ACLY: variants seen among roughly 807,000 people sequenced by gnomAD.
ACLY encodes the protein ATP-citrate synthase.
Under a neutral mutation model 133.0 loss-of-function variants are expected in ACLY, and 41 were observed. The observed-to-expected ratio is 0.31, with a 90% confidence interval of 0.24 to 0.40. ACLY has a LOEUF of 0.40. ACLY is among the 10% of genes least tolerant of loss of function. ACLY has a pLI of 1.00. For synonymous variants in ACLY, 495 were observed against 549.3 expected (o/e 0.90, Z 1.38); for missense variants, 1,046 against 1,453.8 (o/e 0.72, Z 4.56).
intron 1 of ACLY, among the ~76,000 whole-genome samples, chr17:41,928,909 G>C (rs1402043790): frequency 6.7e-6 from 1 of 149,146 alleles, no homozygotes; most frequent in Non-Finnish European, 1.5e-5. Flanking sequence ...TGAATCTGTA[G>C]ATCTCTTCCT....
chr17:41,894,625 A>G (rs1220807710), intron 14 of ACLY, among the ~76,000 whole-genome samples: 1 of 151,912 alleles, frequency 6.6e-6, no homozygotes, highest in Admixed American at 6.6e-5. Flanking sequence ...GTACCAAAAT[A>G]TCTCATGCAC....
At chr17:41,878,004 C>G in intron 22 of ACLY, 99 bp downstream of exon 22, 1 of 680,074 alleles carries the variant, frequency 1.5e-6, no homozygotes, top group Non-Finnish European at 2.2e-6. Flanking sequence ...TACAGAAGGC[C>G]TGGTTTCCAA....
At chr17:41,912,130 A>C (rs979051652) in intron 3 of ACLY, among the ~76,000 whole-genome samples, 1 of 151,528 alleles carries the variant, frequency 6.6e-6, no homozygotes, top group East Asian at 1.9e-4. Context: ...AAAAAAAAAG[A>C]ATCAGACCAT....
At chr17:41,922,444 G>A (rs531908306), upstream of ACLY, among the ~76,000 whole-genome samples, 2 of 150,282 alleles carry the variant, frequency 1.3e-5, no homozygotes, top group East Asian at 3.9e-4. Context: ...GTGACAGAGT[G>A]AGACCCTGTA....
intron 10 of ACLY, among the ~76,000 whole-genome samples, chr17:41,903,360 C>T (rs1250483649): frequency 6.6e-6 from 1 of 152,136 alleles, no homozygotes; most frequent in East Asian, 1.9e-4. Flanking sequence ...TGAACAGGCA[C>T]CCAGGTTGAG....
In ACLY at chr17:41,909,641, G is replaced by A. The variant is rs782742473; in HGVS notation, c.405C>T (p.His135=). Residue 135 remains histidine (H), a synonymous_variant, in exon 5 of 29, where the codon CAC becomes CAT. Transcript: ENST00000352035. ...ATREGDYVLF[H]HEGGVDVGDV... ...CACCCACGTCCACACCCCCCTCGTG[G>A]TGGAACAGGACGTAGTCCCCTTCTC... The A allele has an allele frequency of 3.7e-6, 6 of 1,614,044 alleles. No individual in the cohort carries two copies. The highest frequency in any genetic ancestry group is 3.4e-6 in the Non-Finnish European group (4 of 1,180,036).
intron 22 of ACLY, among the ~76,000 whole-genome samples, chr17:41,875,365 A>G (rs1359616758): frequency 6.7e-5 from 10 of 148,248 alleles, no homozygotes; most frequent in African/African-American, 9.9e-5. Flanking sequence ...AAAAAAAAAA[A>G]GGGGGGACGA....
intron 23 of ACLY, among the ~76,000 whole-genome samples, chr17:41,873,292 G>A (rs2048646554): frequency 6.6e-6 from 1 of 151,068 alleles, no homozygotes; most frequent in African/African-American, 2.4e-5. Flanking sequence ...TGATTCTCCT[G>A]CCTCAGCCTC....
upstream of ACLY, among the ~76,000 whole-genome samples, chr17:41,920,123 C>T (rs1437202279): frequency 6.6e-6 from 1 of 152,250 alleles, no homozygotes; most frequent in Non-Finnish European, 1.5e-5. Flanking sequence ...AGTGTTGCGA[C>T]ATTTGCAGAC....
intron 17 of ACLY, 100 bp from the exon 18 acceptor site, chr17:41,886,408 G>T: frequency 8.1e-7 from 1 of 1,229,468 alleles, no homozygotes; most frequent in Non-Finnish European, 1.1e-6. Flanking sequence ...CTTCTGGCCA[G>T]GCTGGGGAGA....
At chr17:41,919,959 C>T (rs1555635241), upstream of ACLY, among the ~76,000 whole-genome samples, 1 of 152,138 alleles carries the variant, frequency 6.6e-6, no homozygotes, top group Non-Finnish European at 1.5e-5. Context: ...CCTGTAGGTC[C>T]GGAGCTGCTC....
chr17:41,877,515 G>A (rs1555626395), intron 22 of ACLY, among the ~76,000 whole-genome samples: 6 of 150,598 alleles, frequency 4.0e-5, no homozygotes, highest in Non-Finnish European at 8.8e-5. Flanking sequence ...CAGTGGCACA[G>A]TCATGGCTAA....
At chr17:41,912,071 G>T (rs967746001) in intron 3 of ACLY, among the ~76,000 whole-genome samples, 5 of 148,570 alleles carry the variant, frequency 3.4e-5, no homozygotes, top group Non-Finnish European at 5.9e-5. Context: ...CCAAGATCAC[G>T]CCACTGCACT....
At chr17:41,893,637 T>C (rs1353182277) in intron 14 of ACLY, among the ~76,000 whole-genome samples, 1 of 152,254 alleles carries the variant, frequency 6.6e-6, no homozygotes, top group Non-Finnish European at 1.5e-5. Context: ...CCTGTAAATC[T>C]GGACATAAAA....
intron 1 of ACLY, among the ~76,000 whole-genome samples, chr17:41,924,838 C>T (rs924063243): frequency 6.6e-6 from 1 of 152,020 alleles, no homozygotes; most frequent in East Asian, 1.9e-4. Flanking sequence ...TCCAGGCTGG[C>T]CCCTTCCCAG....
In ACLY at chr17:41,883,182, G is replaced by A. The variant is rs41275675; in HGVS notation, c.2205C>T (p.Arg735=). 301 of 1,613,924 alleles carry A rather than the reference G, an allele frequency of 1.9e-4. 2 individuals carry two copies. The highest frequency in any genetic ancestry group is 3.3e-4 in the Middle Eastern group (2 of 6,084). The change falls in exon 20 of 29, where the codon CGC becomes CGT. Residue 735 remains arginine, a synonymous_variant. Coordinates refer to ENST00000352035, the MANE Select transcript of ACLY (RefSeq NM_001096.3). ...ACCAGCAGACGATGGGCTTAGTGAG[G>A]CGGCCCTCCTTGATGCCCCGGCAAA... ...YKICRGIKEG[R]LTKPIVCWCI... is the part of the protein sequence containing the mutation.
rs782037288 is a variant in ACLY, at chr17:41,909,633, C to G, written c.413G>C (p.Gly138Ala). 1 of 1,614,164 alleles carries G rather than the reference C, an allele frequency of 6.2e-7. No homozygotes were observed. Among genetic ancestry groups the G allele is most frequent in the South Asian group, 1.1e-5 (1 of 91,074 alleles). ...EGDYVLFHHEGGVDVGDVDAK... is the reference protein window; with the variant it reads ...EGDYVLFHHEAGVDVGDVDAK... The stretch of plus-strand genomic sequence containing the variant: ...GTCCACATCACCCACGTCCACACCC[C>G]CCTCGTGGTGGAACAGGACGTAGTC... The change falls in exon 5 of 29, where the codon GGG becomes GCG. Residue 138 changes from glycine to alanine, a missense_variant. By Grantham distance (60) the Gly-to-Ala change is moderately conservative (BLOSUM62 0). Transcript: ENST00000352035.
At chr17:41,925,906 G>A (rs548011876) in intron 1 of ACLY, among the ~76,000 whole-genome samples, 106 of 151,898 alleles carry the variant, frequency 7.0e-4, no homozygotes, top group African/African-American at 2.6e-3. Context: ...GTGCAGTGGT[G>A]TGATCATGGC....
intron 19 of ACLY, 23 bp downstream of exon 19, chr17:41,884,170 T>G (rs782340522): frequency 4.6e-5 from 46 of 1,009,584 alleles, no homozygotes; most frequent in Non-Finnish European, 6.6e-5. Context: ...AAAATCATAA[T>G]TTTTTTTTTT....
Sources: gnomAD v4.1 joint callset for allele counts (sites outside exome capture counted in the v4.1 genomes callset) on GRCh38, gnomAD v4.1.1 for gene constraint, MANE v1.5 for transcripts, NCBI Gene and HGNC (gene_info 2026-07-23, HGNC 2026-07-21) for gene names.